The following PSG6 variants were observed in gnomAD, a reference collection of about 807,000 sequenced individuals.
PSG6 encodes pregnancy specific beta-1-glycoprotein 6.
In PSG6, 51 loss-of-function variants were observed where a neutral mutation model predicts 43.3. The observed-to-expected ratio is 1.18, with a 90% CI of 0.94 to 1.49. PSG6 has a LOEUF of 1.49. Ranked by LOEUF, PSG6 falls within the 40% of genes most tolerant of loss-of-function variation. The pLI is 0.00. For missense variants in PSG6, 770 were observed against 522.2 expected, an observed-to-expected ratio of 1.47 and a Z score of -4.62; for synonymous variants, 292 against 197.6, an observed-to-expected ratio of 1.48 and a Z score of -4.01.
intron 5 of PSG6, chr19:42,903,794 G>A (rs1972071680): frequency 6.9e-6 from 10 of 1,446,862 alleles, no homozygotes; most frequent in Admixed American, 2.7e-5. Context: ...TTGGGAGGCT[G>A]AAGAAGGAGA....
intron 3 of PSG6, 45 bp downstream of exon 3, chr19:42,910,535 A>G (rs1373036137): frequency 7.4e-6 from 12 of 1,612,436 alleles, no homozygotes; most frequent in Admixed American, 1.7e-5. Flanking sequence ...GGCCACTTGT[A>G]TTTGGGATGG....
At position 42,907,601 on chromosome 19, in the gene PSG6, A is replaced by G; in HGVS notation, c.960T>C (p.Ser320=). The G allele has an allele frequency of 6.2e-7, 1 of 1,612,056 alleles. No homozygotes were observed. Among genetic ancestry groups the G allele is most frequent in the East Asian group, 2.2e-5 (1 of 44,798 alleles). The stretch of plus-strand genomic sequence containing the variant: ...AGAGGACATTCAGGGTGACTGGGTT[A>G]CTGCGGATGCCACCATATCGGTCCC... ...EIRDRYGGIR[S]NPVTLNVLYG... The change falls in exon 4 of 6, where the codon AGT becomes AGC. Residue 320 remains serine (S), a synonymous_variant. Coordinates refer to ENST00000187910, the MANE Select transcript of PSG6 (RefSeq NM_001031850.4).
chr19:42,907,727 G>T lies in PSG6; in HGVS notation c.834C>A (p.Ser278Arg), dbSNP rs542265010. 8 of 1,610,690 alleles carry T rather than the reference G, an allele frequency of 5.0e-6. No individual in the cohort carries two copies. The Admixed American group carries it at 1.2e-4, about 24-fold the overall frequency. ...GCTTTACCCTCGGACTGACCGGGAG[G>T]CTCTGACCATTTAGCCACCAAATGT... ...YTYIWWLNGQSLPVSPRVKRP... is the reference protein window; with the variant it reads ...YTYIWWLNGQRLPVSPRVKRP... Residue 278 changes from serine to arginine, a missense_variant, in exon 4 of 6, where the codon AGC becomes AGA. By Grantham distance (110) the Ser-to-Arg change is moderately radical (BLOSUM62 -1). Transcript: ENST00000187910.
At chr19:42,912,838 A>T (rs114892865) in intron 2 of PSG6, among the ~76,000 whole-genome samples, 2,070 of 151,764 alleles carry the variant, frequency 0.014, 84 homozygotes, top group African/African-American at 0.048. Flanking sequence ...AAATAGTTGT[A>T]TGTGGCACAG....
intron 2 of PSG6, among the ~76,000 whole-genome samples, chr19:42,911,618 G>A (rs1331934207): frequency 6.6e-6 from 1 of 151,752 alleles, no homozygotes; most frequent in East Asian, 1.9e-4. Flanking sequence ...CCTGTAGAGG[G>A]CAGTTGAGGA....
rs188102835 is a variant in PSG6, at chr19:42,910,925, A to G, written c.428-67T>C. On this transcript the variant is annotated intron_variant, in intron 2 of 5. Coordinates refer to ENST00000187910, the MANE Select transcript of PSG6 (RefSeq NM_001031850.4). The stretch of plus-strand genomic sequence containing the variant: ...TTGATTCCTCCAAAGGCATTTTTCA[A>G]TCAGAGTTGGCATTTCCAACCTCTC... The G allele has an allele frequency of 9.0e-4, 1,383 of 1,540,222 alleles. 37 individuals carry two copies. In the African/African-American group the frequency reaches 0.012, roughly 14 times the overall value.
Position 42,916,366 on chromosome 19 carries a change from A to G in PSG6, c.186T>C (p.Leu62=). The G allele has an allele frequency of 6.2e-7, 1 of 1,612,144 alleles. No individual in the cohort carries two copies. The highest frequency in any genetic ancestry group is 8.5e-7 in the Non-Finnish European group (1 of 1,179,126). The change falls in exon 2 of 6, where the codon CTT becomes CTC. Residue 62 remains leucine (L), a synonymous_variant. Transcript: ENST00000187910. ...GCCCTTTGTACCAGATGTAGCCAGTAAGATTCTGGGGCAAATTGTGGACAA... is the reference window on the plus strand; with the variant it reads ...GCCCTTTGTACCAGATGTAGCCAGTGAGATTCTGGGGCAAATTGTGGACAA... ...LLLVHNLPQN[L]TGYIWYKGQM...
chr19:42,913,886 G>C (rs1972273884), intron 2 of PSG6, among the ~76,000 whole-genome samples: 1 of 151,416 alleles, frequency 6.6e-6, no homozygotes, highest in South Asian at 2.1e-4. Context: ...TTTTAGTCCT[G>C]TGCCCCTGAA....
rs370061837 is a variant in PSG6, at chr19:42,910,630, C to A, written c.656G>T (p.Arg219Leu). The A allele has an allele frequency of 6.2e-7, 1 of 1,612,244 alleles. No individual in the cohort carries two copies. Among genetic ancestry groups the A allele is most frequent in the African/African-American group, 1.3e-5 (1 of 74,706 alleles). ...YIAGPYECEI[R>L]NPVSASRSDP... ...ACTGCGGCTGGCACTCACTGGGTTC[C>A]GTATTTCACATTCATAGGGTCCTGC... The change falls in exon 3 of 6, where the codon CGG becomes CTG. Residue 219 changes from arginine (R) to leucine (L), a missense_variant. Physicochemically the swap from Arg to Leu is moderately radical, Grantham distance 102. Transcript: ENST00000187910.
Position 42,910,323 on chromosome 19 carries a change from G to A in PSG6, c.706+257C>T. The A allele has an allele frequency of 1.5e-5, 14 of 946,392 alleles. 1 individual carries two copies. Among genetic ancestry groups the A allele is most frequent in the Non-Finnish European group, 2.0e-5 (13 of 644,068 alleles). The allele number at this position is 946,392 out of a possible 1,614,324, so 58.6% of individuals were successfully genotyped here. A position where few individuals can be genotyped will look rare whatever the true frequency, so the allele number is the denominator to read the frequency against. On this transcript the variant is annotated intron_variant, in intron 3 of 5. Coordinates refer to ENST00000187910, the MANE Select transcript of PSG6 (RefSeq NM_001031850.4). ...TCCCCGCTGTGTTCACTGATCTGGA[G>A]CCTGAGACATTCACCTGTTTCTTCC...
Position 42,917,861 on chromosome 19 carries a change from C to T in PSG6, c.-69G>A, listed in dbSNP as rs1371495815. The T allele has an allele frequency of 2.6e-6, 4 of 1,555,292 alleles. 1 individual carries two copies. In the East Asian group the frequency reaches 6.9e-5, roughly 27 times the overall value. ...GGATCCAGAGACTTCCTGAGCAGGG[C>T]TGTCAGGTGTGCTGTCCTTCCTCCT... On this transcript the variant is annotated 5_prime_UTR_variant, in exon 1 of 6. Transcript: ENST00000187910.
chr19:42,910,910 C>T (rs754951033), intron 2 of PSG6, 52 bp from the exon 3 acceptor site: 20 of 1,548,526 alleles, frequency 1.3e-5, no homozygotes, highest in Middle Eastern at 3.6e-4. Context: ...TTGATTCCTC[C>T]AAAGGCATTT....
rs1311217478 is a variant in PSG6 at position 42,910,691 on chromosome 19, T to C, written c.595A>G (p.Arg199Gly). Residue 199 changes from arginine to glycine, a missense_variant, in exon 3 of 6, where the codon AGG (arginine) becomes GGG (glycine). Physicochemically the swap from Arg to Gly is moderately radical, Grantham distance 125. Coordinates refer to ENST00000187910, the MANE Select transcript of PSG6 (RefSeq NM_001031850.4). ...GTGACACCAAATAGATAGAGGGTCC[T>C]GTTGGTTTTGGACAGCTGCAACCTG... ...THRLQLSKTN[R>G]TLYLFGVTKY... is the part of the protein sequence containing the mutation. 9.9e-6 allele frequency: 16 copies of C among 1,612,278 alleles called. 2 individuals are homozygous for C. The highest frequency in any genetic ancestry group is 1.3e-5 in the African/African-American group (1 of 74,712).
At chr19:42,904,810 T>C (rs970749605) in intron 5 of PSG6, among the ~76,000 whole-genome samples, 3 of 151,620 alleles carry the variant, frequency 2.0e-5, no homozygotes, top group African/African-American at 7.3e-5. Flanking sequence ...ATATTGCATC[T>C]CATGACTCTA....
chr19:42,909,793 G>C (rs910762896), intron 3 of PSG6: 1 of 151,778 alleles, frequency 6.6e-6, no homozygotes, highest in Non-Finnish European at 1.5e-5. Context: ...TTTTGGAGCA[G>C]AAACATATTC....
intron 5 of PSG6, among the ~76,000 whole-genome samples, chr19:42,905,056 A>C (rs1047021027): frequency 6.6e-6 from 1 of 151,682 alleles, no homozygotes; most frequent in Non-Finnish European, 1.5e-5. Flanking sequence ...TCACCAAATG[A>C]TATTGGGAAA....
At chr19:42,903,121 T>C (rs1462178067) in intron 5 of PSG6, among the ~76,000 whole-genome samples, 2 of 151,584 alleles carry the variant, frequency 1.3e-5, no homozygotes, top group Non-Finnish European at 2.9e-5. Flanking sequence ...TGAGATTTGA[T>C]TCTAGGACTA....
rs202035257 is a variant in PSG6 at position 42,907,183 on chromosome 19, G to C, written c.986-7C>G. On this transcript the variant is annotated splice_region_variant and splice_polypyrimidine_tract_variant and intron_variant, in intron 4 of 5. Transcript: ENST00000187910. ...CTGGGGAGGTCTGGACCATCTGGAG[G>C]AAAGAGAATAAAGCCACAGGTGATG... is the stretch of plus-strand genomic sequence containing the variant. 4,031 of 1,609,168 alleles carry C rather than the reference G, an allele frequency of 2.5e-3. 104 individuals are homozygous for C. The highest frequency in any genetic ancestry group is 2.1e-3 in the Non-Finnish European group (2,464 of 1,176,894).
chr19:42,913,217 C>G (rs528935477), intron 2 of PSG6, among the ~76,000 whole-genome samples: 2 of 151,558 alleles, frequency 1.3e-5, no homozygotes, highest in Admixed American at 1.3e-4. Flanking sequence ...GTGGCATGAT[C>G]TCAGCTCACT....
Sources: allele counts gnomAD v4.1 joint callset (sites outside exome capture counted in the v4.1 genomes callset), GRCh38; gene constraint gnomAD v4.1.1; transcripts MANE v1.5; gene names NCBI Gene and HGNC (gene_info 2026-07-23, HGNC 2026-07-21).